Variants in MLLT3 observed in about 807,000 individuals in gnomAD.
MLLT3 encodes protein AF-9.
In MLLT3, 4 loss-of-function variants were observed where a neutral mutation model predicts 53.2. The observed-to-expected ratio is 0.08, with a 90% confidence interval of 0.04 to 0.17. MLLT3 has a LOEUF of 0.17. Among genes scored for constraint, MLLT3 ranks in the 10% least tolerant of loss-of-function variants. The pLI is 1.00. For missense variants in MLLT3, 569 were observed against 684.0 expected (o/e 0.83, Z 1.87); for synonymous variants, 283 against 230.6 (o/e 1.23, Z -2.06).
intron 4 of MLLT3, among the ~76,000 whole-genome samples, chr9:20,431,256 T>C (rs1262931962): frequency 6.6e-6 from 1 of 152,138 alleles, no homozygotes; most frequent in Non-Finnish European, 1.5e-5. Context: ...TAGTATTACC[T>C]AGATGCTTAT....
chr9:20,383,316 C>G (rs1364463016), intron 5 of MLLT3, among the ~76,000 whole-genome samples: 2 of 151,852 alleles, frequency 1.3e-5, no homozygotes, highest in Admixed American at 1.3e-4. Context: ...TTGACATGAA[C>G]TTTGCATTTT....
At chr9:20,513,046 G>A (rs1186042477) in intron 2 of MLLT3, among the ~76,000 whole-genome samples, 1 of 152,176 alleles carries the variant, frequency 6.6e-6, no homozygotes, top group African/African-American at 2.4e-5. Flanking sequence ...TGGTTTTGGG[G>A]GTATCTCTCT....
At position 20,390,003 on chromosome 9, in the gene MLLT3, T is replaced by G. The variant is rs549303924; in HGVS notation, c.1125+23718A>C. 7.9e-5 allele frequency among the ~76,000 whole-genome samples: 12 copies of G among 152,336 alleles called. No homozygotes were observed. In the South Asian group the frequency reaches 1.7e-3, roughly 21 times the overall value. On this transcript the variant is annotated intron_variant, in intron 5 of 10. Coordinates refer to ENST00000380338, the MANE Select transcript of MLLT3 (RefSeq NM_004529.4). Reference sequence around the variant, plus strand: ...AAGTTATGTATACTTTAGGGCATTGTGTAGTACATTTGGCCCATCAGATTA... The same window carrying G: ...AAGTTATGTATACTTTAGGGCATTGGGTAGTACATTTGGCCCATCAGATTA...
chr9:20,585,211 C>T (rs1819920463), intron 2 of MLLT3, among the ~76,000 whole-genome samples: 1 of 152,170 alleles, frequency 6.6e-6, no homozygotes, highest in East Asian at 1.9e-4. Context: ...TGGCCAACTT[C>T]TCACCGTGTC....
Position 20,464,349 on chromosome 9 carries a change from G to A in MLLT3, c.194-7563C>T, listed in dbSNP as rs895893969. The stretch of plus-strand genomic sequence containing the variant: ...GTCCTGCTCAGTCTAACCAGAGACC[G>A]TTGCCTGCTAAGTACAAGTTCTATT... On this transcript the variant is annotated intron_variant, in intron 2 of 10. Transcript: ENST00000380338. 7.9e-5 allele frequency among the ~76,000 whole-genome samples: 12 copies of A among 152,146 alleles called. No homozygotes were observed. The South Asian group carries it at 1.2e-3, about 16-fold the overall frequency.
At chr9:20,619,169 A>G (rs1820921288) in intron 2 of MLLT3, among the ~76,000 whole-genome samples, 1 of 152,252 alleles carries the variant, frequency 6.6e-6, no homozygotes, top group African/African-American at 2.4e-5. Flanking sequence ...ATGAAATATA[A>G]TAATCTCTGA....
Position 20,372,458 on chromosome 9 carries a change from C to T in MLLT3, c.1126-6714G>A, listed in dbSNP as rs1335503578. Reference sequence around the variant, plus strand: ...TGTCACAAAGGCTGGAGTGCAGTGGCACCATCTCGGCTCACTGCAAGTTCG... The same window carrying T: ...TGTCACAAAGGCTGGAGTGCAGTGGTACCATCTCGGCTCACTGCAAGTTCG... On this transcript the variant is annotated intron_variant, in intron 5 of 10. Transcript: ENST00000380338. Among the ~76,000 whole-genome samples, 3 of 152,016 alleles carry T rather than the reference C, an allele frequency of 2.0e-5. No individual in the cohort carries two copies. In the East Asian group the frequency reaches 5.8e-4, roughly 29 times the overall value.
chr9:20,409,482 C>T (rs534535237), intron 5 of MLLT3, among the ~76,000 whole-genome samples: 1 of 152,304 alleles, frequency 6.6e-6, no homozygotes, highest in South Asian at 2.1e-4. Flanking sequence ...TTAGTTGACA[C>T]TGATACACTC....
intron 2 of MLLT3, 93 bp from the exon 3 acceptor site, chr9:20,456,879 A>T: frequency 1.1e-6 from 1 of 906,690 alleles, no homozygotes; most frequent in Non-Finnish European, 1.7e-6. Flanking sequence ...TACCATCTAG[A>T]TCACACGCAA....
At chr9:20,549,281 C>T (rs1818868687) in intron 2 of MLLT3, among the ~76,000 whole-genome samples, 2 of 152,148 alleles carry the variant, frequency 1.3e-5, no homozygotes, top group African/African-American at 2.4e-5. Context: ...AGCCAAAACA[C>T]TGGACACAAA....
In MLLT3 at chr9:20,491,607, A is replaced by T. The variant is rs919642754; in HGVS notation, c.194-34821T>A. ...TTACTGCTAAAGATAGTAAAAATTT[A>T]AAAAGAATTTGAGTTTCTGTTAAGA... On this transcript the variant is annotated intron_variant, in intron 2 of 10. Transcript: ENST00000380338. 2.2e-4 allele frequency among the ~76,000 whole-genome samples: 34 copies of T among 152,292 alleles called. 1 individual carries two copies. The highest frequency in any genetic ancestry group is 4.6e-4 in the Non-Finnish European group (31 of 67,996).
At chr9:20,438,146 C>G (rs977057613) in intron 4 of MLLT3, among the ~76,000 whole-genome samples, 15 of 152,222 alleles carry the variant, frequency 9.9e-5, no homozygotes, top group Non-Finnish European at 5.9e-5. Context: ...AAAACCAGAA[C>G]ACTCTGATAA....
chr9:20,533,055 G>A, intron 2 of MLLT3: 1 of 258,546 alleles, frequency 3.9e-6, no homozygotes, highest in Non-Finnish European at 7.6e-6. Flanking sequence ...TGAGCTGGCT[G>A]TCTTCCTGCC....
chr9:20,364,528 A>G (rs895244311), intron 6 of MLLT3, among the ~76,000 whole-genome samples: 3 of 152,218 alleles, frequency 2.0e-5, no homozygotes, highest in African/African-American at 7.2e-5. Context: ...AGTCCCATCT[A>G]TGACAGGGAT....
At chr9:20,527,629 A>G (rs951628960) in intron 2 of MLLT3, among the ~76,000 whole-genome samples, 1 of 152,226 alleles carries the variant, frequency 6.6e-6, no homozygotes, top group Admixed American at 6.5e-5. Flanking sequence ...CTCAACAAGC[A>G]AAATTAAAGT....
chr9:20,605,480 G>C (rs1820539772), intron 2 of MLLT3, among the ~76,000 whole-genome samples: 1 of 152,016 alleles, frequency 6.6e-6, no homozygotes, highest in African/African-American at 2.4e-5. Context: ...TATTAGTCTA[G>C]TTAATAACCA....
chr9:20,416,964 C>T (rs1822887093), intron 4 of MLLT3, among the ~76,000 whole-genome samples: 1 of 151,996 alleles, frequency 6.6e-6, no homozygotes, highest in Non-Finnish European at 1.5e-5. Context: ...GGCTCAGATA[C>T]ACAGCCAGAC....
intron 2 of MLLT3, among the ~76,000 whole-genome samples, chr9:20,568,494 T>C (rs1819443168): frequency 6.6e-6 from 1 of 152,172 alleles, no homozygotes; most frequent in Admixed American, 6.6e-5. Flanking sequence ...AGCATAATGA[T>C]TCTACAAAAT....
intron 2 of MLLT3, among the ~76,000 whole-genome samples, chr9:20,524,262 TTGCTG>T (rs1818143598): frequency 6.6e-6 from 1 of 151,944 alleles, no homozygotes; most frequent in Admixed American, 6.6e-5. Flanking sequence ...CTGCTTGGCT[TTGCTG>T]TAAACCTAAA....
Sources: allele counts gnomAD v4.1 joint callset (sites outside exome capture counted in the v4.1 genomes callset), GRCh38; gene constraint gnomAD v4.1.1; transcripts MANE v1.5; gene names NCBI Gene and HGNC (gene_info 2026-07-23, HGNC 2026-07-21).